The following SGCZ variants were observed in gnomAD, a reference collection of about 807,000 sequenced individuals.
The protein encoded by SGCZ is zeta-sarcoglycan.
SGCZ carries 40 observed loss-of-function variants against 41.3 expected under a neutral mutation model. The observed-to-expected ratio is 0.97, with a 90% CI of 0.75 to 1.26. The LOEUF (loss-of-function observed/expected upper bound fraction) is 1.26, where lower values mean the gene tolerates loss of function less well. Ranked by LOEUF, SGCZ falls within the 50% of genes most tolerant of loss-of-function variation. SGCZ has a pLI of 0.00. For synonymous variants in SGCZ, 206 were observed against 137.5 expected (o/e 1.50, Z -3.49); for missense variants, 552 against 369.8 (o/e 1.49, Z -4.04).
chr8:14,464,730 TATAA>T (rs1801000967), intron 2 of SGCZ, among the ~76,000 whole-genome samples: 1 of 151,632 alleles, frequency 6.6e-6, no homozygotes, highest in Non-Finnish European at 1.5e-5. Context: ...CATTTATAAC[TATAA>T]ATACGCCATG....
intron 4 of SGCZ, among the ~76,000 whole-genome samples, chr8:14,182,900 G>C (rs10108958): frequency 6.6e-6 from 1 of 151,172 alleles, no homozygotes; most frequent in East Asian, 2.0e-4. Flanking sequence ...ATCCCAACTA[G>C]GTGGGAGGCT....
At chr8:14,865,607 G>A (rs2130690343) in intron 1 of SGCZ, among the ~76,000 whole-genome samples, 1 of 152,248 alleles carries the variant, frequency 6.6e-6, no homozygotes, top group East Asian at 1.9e-4. Flanking sequence ...CATGAACCCA[G>A]CAAGCAATGA....
chr8:14,447,842 C>T (rs564087593), intron 2 of SGCZ, among the ~76,000 whole-genome samples: 2 of 152,236 alleles, frequency 1.3e-5, no homozygotes, highest in East Asian at 1.9e-4. Context: ...ACAGCCATCT[C>T]TTTGAGATGT....
At chr8:14,241,653 C>T (rs145504654) in intron 3 of SGCZ, among the ~76,000 whole-genome samples, 1 of 151,890 alleles carries the variant, frequency 6.6e-6, no homozygotes, top group East Asian at 1.9e-4. Flanking sequence ...CCGAAGCTGA[C>T]CCGAACTTGC....
chr8:14,613,826 T>C (rs1253583400), intron 1 of SGCZ, among the ~76,000 whole-genome samples: 1 of 152,192 alleles, frequency 6.6e-6, no homozygotes, highest in Non-Finnish European at 1.5e-5. Flanking sequence ...AAATTGAGAC[T>C]GAAATGGCAA....
At chr8:14,925,631 C>T (rs1363469927) in intron 1 of SGCZ, among the ~76,000 whole-genome samples, 1 of 152,148 alleles carries the variant, frequency 6.6e-6, no homozygotes, top group African/African-American at 2.4e-5. Flanking sequence ...TCCTTTTGCA[C>T]CAATCTAACG....
intron 2 of SGCZ, among the ~76,000 whole-genome samples, chr8:14,366,878 G>A (rs1279834733): frequency 1.3e-5 from 2 of 152,146 alleles, no homozygotes; most frequent in Non-Finnish European, 2.9e-5. Flanking sequence ...GCCTGTGATG[G>A]GAGGGGCTGT....
intron 2 of SGCZ, among the ~76,000 whole-genome samples, chr8:14,376,135 A>G (rs991981788): frequency 6.6e-6 from 1 of 152,078 alleles, no homozygotes; most frequent in Admixed American, 6.5e-5. Flanking sequence ...AAGATGGTGA[A>G]ACTCCATCTC....
chr8:14,315,012 G>A (rs1325765196), intron 3 of SGCZ, among the ~76,000 whole-genome samples: 1 of 152,102 alleles, frequency 6.6e-6, no homozygotes, highest in African/African-American at 2.4e-5. Flanking sequence ...CAGAAATAGT[G>A]TAAATATTTG....
intron 1 of SGCZ, among the ~76,000 whole-genome samples, chr8:15,072,200 T>C (rs1257073045): frequency 2.0e-5 from 3 of 152,132 alleles, no homozygotes; most frequent in African/African-American, 7.2e-5. Context: ...AGGAAGGGAA[T>C]TCAGATTAGA....
intron 5 of SGCZ, among the ~76,000 whole-genome samples, chr8:14,143,910 T>A (rs1420163741): frequency 6.6e-6 from 1 of 152,170 alleles, no homozygotes; most frequent in Admixed American, 6.5e-5. Context: ...TAAAACTGCA[T>A]GAAACTCAGC....
chr8:14,483,295 T>G, intron 2 of SGCZ, among the ~76,000 whole-genome samples: 1 of 152,178 alleles, frequency 6.6e-6, no homozygotes, highest in Non-Finnish European at 1.5e-5. Flanking sequence ...TGAGGGCTGG[T>G]GCAATGGTTC....
intron 4 of SGCZ, among the ~76,000 whole-genome samples, chr8:14,217,007 G>T (rs1171746258): frequency 2.0e-5 from 3 of 152,176 alleles, no homozygotes; most frequent in Non-Finnish European, 4.4e-5. Context: ...CTCTATAGAG[G>T]ATGGGCACGG....
chr8:14,938,044 G>T (rs1800140862), intron 1 of SGCZ, among the ~76,000 whole-genome samples: 1 of 152,018 alleles, frequency 6.6e-6, no homozygotes, highest in South Asian at 2.1e-4. Flanking sequence ...TGTAATTCTT[G>T]CACTTTTAGA....
At chr8:14,229,014 T>C (rs757040083) in intron 4 of SGCZ, among the ~76,000 whole-genome samples, 1 of 152,052 alleles carries the variant, frequency 6.6e-6, no homozygotes, top group Non-Finnish European at 1.5e-5. Flanking sequence ...TGATTGATGT[T>C]AAACAAGGGC....
intron 2 of SGCZ, among the ~76,000 whole-genome samples, chr8:14,399,440 T>A (rs1799010397): frequency 6.6e-6 from 1 of 152,104 alleles, no homozygotes. Context: ...GGACTTCTGT[T>A]TTTTAAAATG....
intron 1 of SGCZ, among the ~76,000 whole-genome samples, chr8:14,938,616 G>A (rs931560422): frequency 5.3e-5 from 8 of 152,000 alleles, no homozygotes; most frequent in Non-Finnish European, 1.2e-4. Context: ...TATGCTATTA[G>A]TAGCTAATTT....
intron 1 of SGCZ, among the ~76,000 whole-genome samples, chr8:14,623,548 G>C (rs938304244): frequency 4.6e-5 from 7 of 152,136 alleles, no homozygotes; most frequent in East Asian, 3.8e-4. Flanking sequence ...TGTAGGCAGA[G>C]ACTTCAAATT....
intron 3 of SGCZ, among the ~76,000 whole-genome samples, chr8:14,260,217 C>T (rs1799607034): frequency 6.6e-6 from 1 of 151,964 alleles, no homozygotes; most frequent in South Asian, 2.1e-4. Flanking sequence ...GGCTAATATC[C>T]AGAATCTACA....
Sources: gnomAD v4.1 joint callset for allele counts (sites outside exome capture counted in the v4.1 genomes callset) on GRCh38, gnomAD v4.1.1 for gene constraint, MANE v1.5 for transcripts, NCBI Gene and HGNC (gene_info 2026-07-23, HGNC 2026-07-21) for gene names.